SMAD3: variants seen among roughly 807,000 people sequenced by gnomAD.
SMAD3 encodes MAD homolog 3.
SMAD3 carries 12 observed loss-of-function variants against 51.8 expected under a neutral mutation model. That is an observed-to-expected ratio of 0.23 (90% CI 0.15 to 0.38). SMAD3 has a LOEUF of 0.38. SMAD3 is among the 10% of genes least tolerant of loss of function. The probability of loss-of-function intolerance (pLI) is 1.00; values close to 1 mark genes in which losing one functional copy is unlikely to be tolerated. For synonymous variants in SMAD3, 238 were observed against 227.7 expected (o/e 1.05, Z -0.41); for missense variants, 294 against 565.6 (o/e 0.52, Z 4.87).
At chr15:67,181,859 C>T (rs1380006533) in intron 6 of SMAD3, among the ~76,000 whole-genome samples, 1 of 151,076 alleles carries the variant, frequency 6.6e-6, no homozygotes, top group African/African-American at 2.4e-5. Flanking sequence ...AATCTTGCCT[C>T]ACTGCAACCT....
intron 1 of SMAD3, among the ~76,000 whole-genome samples, chr15:67,083,297 TG>T (rs1480721405): frequency 6.6e-6 from 1 of 152,218 alleles, no homozygotes; most frequent in Non-Finnish European, 1.5e-5. Context: ...ACCACGGCTG[TG>T]GACCAGTGGT....
At chr15:67,094,595 C>T (rs1281966952) in intron 1 of SMAD3, among the ~76,000 whole-genome samples, 1 of 152,182 alleles carries the variant, frequency 6.6e-6, no homozygotes, top group Admixed American at 6.5e-5. Flanking sequence ...CTTTTCACTC[C>T]ATAAATATAT....
At chr15:67,120,674 A>G (rs1241225779) in intron 1 of SMAD3, among the ~76,000 whole-genome samples, 1 of 152,118 alleles carries the variant, frequency 6.6e-6, no homozygotes, top group Admixed American at 6.5e-5. Context: ...CCAGGTAAGA[A>G]ATTGGGCCTG....
intron 1 of SMAD3, among the ~76,000 whole-genome samples, chr15:67,089,520 GC>G (rs1298635521): frequency 1.3e-5 from 2 of 152,182 alleles, no homozygotes; most frequent in Admixed American, 1.3e-4. Context: ...TACAGTTAGC[GC>G]AGGAACAGGG....
At chr15:67,100,887 C>A (rs1960739597) in intron 1 of SMAD3, among the ~76,000 whole-genome samples, 1 of 152,188 alleles carries the variant, frequency 6.6e-6, no homozygotes, top group African/African-American at 2.4e-5. Context: ...CTTCTAGCCT[C>A]CTCACTTTCT....
At chr15:67,166,097 T>G in intron 3 of SMAD3, 4 of 850,814 alleles carry the variant, frequency 4.7e-6, no homozygotes, top group Non-Finnish European at 5.7e-6. Flanking sequence ...TGGGCTGAGA[T>G]TGGCTACAGG....
At chr15:67,123,373 C>T (rs1300123941) in intron 1 of SMAD3, among the ~76,000 whole-genome samples, 1 of 152,084 alleles carries the variant, frequency 6.6e-6, no homozygotes, top group African/African-American at 2.4e-5. Flanking sequence ...GTGGCACACG[C>T]CCGTAATCCC....
Position 67,191,610 on chromosome 15 carries a change from C to T in SMAD3, c.*1074C>T, listed in dbSNP as rs1004451151. The T allele has an allele frequency of 1.3e-5, 3 of 233,150 alleles. No individual in the cohort carries two copies. The highest frequency in any genetic ancestry group is 6.6e-5 in the African/African-American group (3 of 45,340). The allele number at this position is 233,150 out of a possible 1,614,324, so 14.4% of individuals were successfully genotyped here. ...GTGAGACCCAGCAACTGCTTCTCTCCCTTCTCTCTCCTGAGGTGAAGCTTT... is the reference window on the plus strand; with the variant it reads ...GTGAGACCCAGCAACTGCTTCTCTCTCTTCTCTCTCCTGAGGTGAAGCTTT... On this transcript the variant is annotated 3_prime_UTR_variant, in exon 9 of 9. Coordinates refer to ENST00000327367, the MANE Select transcript of SMAD3 (RefSeq NM_005902.4).
Position 67,165,325 on chromosome 15 carries a change from A to T in SMAD3, c.473A>T (p.His158Leu). The T allele has an allele frequency of 1.2e-6, 2 of 1,614,148 alleles. No individual in the cohort carries two copies. Among genetic ancestry groups the T allele is most frequent in the Non-Finnish European group, 1.7e-6 (2 of 1,180,030 alleles). Residue 158 changes from histidine to leucine, a missense_variant, in exon 3 of 9, where the codon CAT becomes CTT. Transcript: ENST00000327367. ...AEFPPLDDYS[H>L]SIPENTNFPA... ...TTCCCCCCACTGGACGACTACAGCCATTCCATCCCCGAAAACACTAACTTC... is the reference window on the plus strand; with the variant it reads ...TTCCCCCCACTGGACGACTACAGCCTTTCCATCCCCGAAAACACTAACTTC...
At chr15:67,189,762 C>T (rs895106) in intron 8 of SMAD3, among the ~76,000 whole-genome samples, 152,256 of 152,292 alleles carry the variant, frequency 1, 76,110 homozygotes, top group Non-Finnish European at 1. Context: ...CGTCATCAAC[C>T]AGCCTGAATT....
intron 1 of SMAD3, among the ~76,000 whole-genome samples, chr15:67,162,986 TG>T (rs1962471860): frequency 6.6e-6 from 1 of 151,358 alleles, no homozygotes; most frequent in Non-Finnish European, 1.5e-5. Flanking sequence ...ATGATGATGA[TG>T]ATTTGAAACG....
intron 1 of SMAD3, among the ~76,000 whole-genome samples, chr15:67,149,479 G>A (rs1286283199): frequency 6.6e-6 from 1 of 152,112 alleles, no homozygotes; most frequent in African/African-American, 2.4e-5. Flanking sequence ...TTCAGACAAG[G>A]GCCACTTAGT....
chr15:67,110,710 C>G (rs1041872837), intron 1 of SMAD3, among the ~76,000 whole-genome samples: 1 of 152,206 alleles, frequency 6.6e-6, no homozygotes, highest in African/African-American at 2.4e-5. Flanking sequence ...GGCAGGTACA[C>G]CACAGTCATG....
intron 1 of SMAD3, among the ~76,000 whole-genome samples, chr15:67,119,507 C>T (rs1431730312): frequency 3.3e-5 from 5 of 152,214 alleles, no homozygotes; most frequent in Middle Eastern, 3.4e-3. Context: ...AAGGGCTGAC[C>T]GTGGGTGGGG....
chr15:67,150,729 G>A (rs1329063324), intron 1 of SMAD3, among the ~76,000 whole-genome samples: 2 of 147,340 alleles, frequency 1.4e-5, no homozygotes, highest in African/African-American at 5.0e-5. Context: ...TGAACTAATA[G>A]TGAGGTTTGC....
Position 67,184,908 on chromosome 15 carries a change from G to T in SMAD3, c.1009+44G>T, listed in dbSNP as rs765675110. On this transcript the variant is annotated intron_variant, in intron 7 of 8. Transcript: ENST00000327367. ...CACCCCTGCCTTGAGGTCCCTCTCC[G>T]AGTGCATGCCTAGGATGCTGGAGAG... is the stretch of plus-strand genomic sequence containing the variant. 3.1e-6 allele frequency: 5 copies of T among 1,610,706 alleles called. No homozygotes were observed. The South Asian group carries it at 4.4e-5, about 14-fold the overall frequency.
Position 67,115,414 on chromosome 15 carries a change from A to C in SMAD3, c.206+49054A>C, listed in dbSNP as rs982870553. ...TCTGCTTTGATGGAAATGTGATGCC[A>C]AGCAAACAGAAAAGTTGTTTTGGCT... On this transcript the variant is annotated intron_variant, in intron 1 of 8. Transcript: ENST00000327367. Among the ~76,000 whole-genome samples the C allele has an allele frequency of 8.5e-5, 13 of 152,316 alleles. 1 individual carries two copies. In the South Asian group the frequency reaches 2.7e-3, roughly 32 times the overall value.
intron 1 of SMAD3, among the ~76,000 whole-genome samples, chr15:67,133,411 A>T (rs1399354370): frequency 2.6e-5 from 4 of 151,746 alleles, no homozygotes; most frequent in African/African-American, 9.7e-5. Flanking sequence ...AGAAAAACTT[A>T]ATTGGGATTT....
chr15:67,067,874 C>T (rs767734440), intron 1 of SMAD3, among the ~76,000 whole-genome samples: 4 of 152,058 alleles, frequency 2.6e-5, no homozygotes, highest in Non-Finnish European at 5.9e-5. Context: ...GTTGTTAATT[C>T]TTCTGTATTC....
Sources: gnomAD v4.1 joint callset for allele counts (sites outside exome capture counted in the v4.1 genomes callset) on GRCh38, gnomAD v4.1.1 for gene constraint, MANE v1.5 for transcripts, NCBI Gene and HGNC (gene_info 2026-07-23, HGNC 2026-07-21) for gene names.